The following TECR variants were observed in gnomAD, a reference collection of about 807,000 sequenced individuals.
TECR encodes the protein very-long-chain enoyl-CoA reductase.
A neutral mutation model predicts 50.6 loss-of-function variants in TECR; 19 were observed. That is an observed-to-expected ratio of 0.38 (90% CI 0.26 to 0.55). TECR has a LOEUF of 0.55. TECR is among the 20% of genes least tolerant of loss of function. The pLI is 0.79. For synonymous variants in TECR, 168 were observed against 163.5 expected (o/e 1.03, Z -0.21); for missense variants, 313 against 408.3 (o/e 0.77, Z 2.01).
At chr19:14,547,273 A>G (rs2073339332) in intron 1 of TECR, among the ~76,000 whole-genome samples, 1 of 152,244 alleles carries the variant, frequency 6.6e-6, no homozygotes, top group African/African-American at 2.4e-5. Context: ...TAGGCCAGAA[A>G]TGACATCTTT....
At chr19:14,545,516 G>A (rs1304381073) in intron 1 of TECR, among the ~76,000 whole-genome samples, 1 of 152,104 alleles carries the variant, frequency 6.6e-6, no homozygotes, top group Non-Finnish European at 1.5e-5. Context: ...GGGGGTGGGG[G>A]GGATAGCCTC....
chr19:14,544,934 G>A (rs957470174), intron 1 of TECR, among the ~76,000 whole-genome samples: 3 of 152,014 alleles, frequency 2.0e-5, no homozygotes, highest in Non-Finnish European at 4.4e-5. Context: ...TGCCCAGCAC[G>A]TGGCTTGTTT....
intron 1 of TECR, chr19:14,544,969 A>C (rs910561263): frequency 2.5e-6 from 1 of 392,324 alleles, no homozygotes; most frequent in Non-Finnish European, 5.1e-6. Flanking sequence ...ATCAGAATCT[A>C]GGAACTGCGG....
chr19:14,538,744 G>A (rs113685924), intron 1 of TECR, among the ~76,000 whole-genome samples: 5,625 of 151,558 alleles, frequency 0.037, 142 homozygotes, highest in Non-Finnish European at 0.051. Context: ...TCTTGGCCAG[G>A]CTGGTCTTGA....
chr19:14,553,998 G>A (rs1383763949), intron 1 of TECR, among the ~76,000 whole-genome samples: 1 of 152,206 alleles, frequency 6.6e-6, no homozygotes, highest in Non-Finnish European at 1.5e-5. Flanking sequence ...GTCCCCTGCG[G>A]GGTCCGAGAG....
At chr19:14,535,476 C>T in intron 1 of TECR, among the ~76,000 whole-genome samples, 1 of 121,168 alleles carries the variant, frequency 8.3e-6, no homozygotes, top group Non-Finnish European at 1.6e-5. Context: ...CACTGCACTC[C>T]AGCCTGGGCG....
intron 1 of TECR, 125 bp downstream of exon 1, chr19:14,529,836 A>C: frequency 7.1e-7 from 1 of 1,399,398 alleles, no homozygotes; most frequent in Non-Finnish European, 1.0e-6. Context: ...GCGCAGGCGC[A>C]GTGGGCAAGC....
At chr19:14,557,971 G>C (rs949115584) in intron 1 of TECR, among the ~76,000 whole-genome samples, 1 of 150,210 alleles carries the variant, frequency 6.7e-6, no homozygotes, top group South Asian at 2.1e-4. Context: ...TAGCCAGGAT[G>C]GTCTCGATCT....
At chr19:14,540,176 C>T (rs964144767) in intron 1 of TECR, among the ~76,000 whole-genome samples, 29 of 151,976 alleles carry the variant, frequency 1.9e-4, no homozygotes, top group Admixed American at 1.8e-3. Context: ...TCTCCTGCCT[C>T]AGCCTCCCGA....
intron 1 of TECR, among the ~76,000 whole-genome samples, chr19:14,556,846 C>T (rs928111322): frequency 2.6e-5 from 4 of 152,274 alleles, no homozygotes; most frequent in African/African-American, 9.6e-5. Context: ...TGGGGAGCGT[C>T]GCAGCCTCCG....
chr19:14,555,962 T>TGGC (rs1375972712), intron 1 of TECR, among the ~76,000 whole-genome samples: 2 of 152,116 alleles, frequency 1.3e-5, no homozygotes, highest in Non-Finnish European at 2.9e-5. Context: ...CACCCAGCAG[T>TGGC]GGCAAGCAGG....
intron 1 of TECR, among the ~76,000 whole-genome samples, chr19:14,533,587 G>C (rs941741148): frequency 6.6e-6 from 1 of 152,198 alleles, no homozygotes; most frequent in Admixed American, 6.6e-5. Flanking sequence ...AGGACGTGCT[G>C]ACTGTCACGC....
intron 1 of TECR, among the ~76,000 whole-genome samples, chr19:14,561,378 G>A (rs1438259748): frequency 1.3e-5 from 2 of 152,144 alleles, no homozygotes; most frequent in Non-Finnish European, 2.9e-5. Context: ...CTGTATAATA[G>A]GATTGCACTG....
At chr19:14,533,596 G>T (rs1025289368) in intron 1 of TECR, among the ~76,000 whole-genome samples, 7 of 152,108 alleles carry the variant, frequency 4.6e-5, no homozygotes, top group African/African-American at 1.7e-4. Flanking sequence ...TGACTGTCAC[G>T]CAACAAATTA....
chr19:14,554,503 C>T (rs986265988), intron 1 of TECR, among the ~76,000 whole-genome samples: 6 of 152,152 alleles, frequency 3.9e-5, no homozygotes, highest in African/African-American at 7.2e-5. Flanking sequence ...TGTTTACAGC[C>T]GGGAGAGGAC....
At position 14,563,688 on chromosome 19, in the gene TECR, T is replaced by A. The variant is rs774492919; in HGVS notation, c.149T>A (p.Leu50His). ...CAGTGGTACCCCGCCCGCCAGTCCC[T>A]CCGCCTGGACCCCAGTGAGTACAGC... ...HPQWYPARQS[L>H]RLDPKGKSLK... The change falls in exon 4 of 13, where the codon CTC becomes CAC. Residue 50 changes from leucine (L) to histidine (H), a missense_variant. Transcript: ENST00000215567. The surrounding 1 kb of genome is among the most constrained non-coding windows in gnomAD (Gnocchi z 5.3). 6.2e-7 allele frequency: 1 copy of A among 1,612,916 alleles called. No individual in the cohort carries two copies. The highest frequency in any genetic ancestry group is 8.5e-7 in the Non-Finnish European group (1 of 1,179,842).
intron 1 of TECR, among the ~76,000 whole-genome samples, chr19:14,553,915 T>C (rs4080414): frequency 0.028 from 4,323 of 152,212 alleles, 203 homozygotes; most frequent in African/African-American, 0.099. Flanking sequence ...CTGGTTGCAC[T>C]GACCAGGGCT....
Position 14,564,839 on chromosome 19 carries a change from C to T in TECR, c.543C>T (p.His181=), listed in dbSNP as rs764622439. 1.2e-6 allele frequency: 2 copies of T among 1,613,958 alleles called. No homozygotes were observed. Among genetic ancestry groups the T allele is most frequent in the Non-Finnish European group, 1.7e-6 (2 of 1,180,002 alleles). ...FAAWMAYYIN[H]PLYTPPTYGA... ...CGTGGATGGCCTATTACATCAATCA[C>T]CCTCTCTACACTCCCCCTAGTAAGT... is the stretch of plus-strand genomic sequence containing the variant. The change falls in exon 8 of 13, where the codon CAC becomes CAT. Residue 181 remains histidine, a synonymous_variant. Transcript: ENST00000215567.
chr19:14,564,674 G>A, intron 7 of TECR, 112 bp from the exon 8 acceptor site: 2 of 1,187,452 alleles, frequency 1.7e-6, no homozygotes, highest in East Asian at 2.4e-5. Context: ...CCGCCCCAAG[G>A]CCCCTCCTGT....
Sources: gnomAD v4.1 joint callset for allele counts (sites outside exome capture counted in the v4.1 genomes callset) on GRCh38, gnomAD v4.1.1 for gene constraint, Gnocchi (gnomAD v3.1) non-coding constraint, MANE v1.5 for transcripts, NCBI Gene and HGNC (gene_info 2026-07-23, HGNC 2026-07-21) for gene names.